The following NALF1 variants were observed in gnomAD, a reference collection of about 807,000 sequenced individuals.
NALF1 encodes family with sequence similarity 155 member A.
A neutral mutation model predicts 48.4 loss-of-function variants in NALF1; 3 were observed. The ratio of observed to expected loss-of-function variants is 0.06; its 90% CI spans 0.03 to 0.16. The LOEUF is 0.16. NALF1 is among the 10% of genes least tolerant of loss of function. The probability of loss-of-function intolerance (pLI) is 1.00; values close to 1 mark genes in which losing one functional copy is unlikely to be tolerated. For missense variants in NALF1, 526 were observed against 571.5 expected, an observed-to-expected ratio of 0.92 and a Z score of 0.81; for synonymous variants, 262 against 245.7, an observed-to-expected ratio of 1.07 and a Z score of -0.62.
At chr13:107,817,492 C>A (rs1284902412) in intron 1 of NALF1, among the ~76,000 whole-genome samples, 3 of 152,204 alleles carry the variant, frequency 2.0e-5, no homozygotes, top group African/African-American at 7.2e-5. Flanking sequence ...AAATCATTCA[C>A]TCTAGGGAGT....
At chr13:107,743,790 C>T (rs1876704984) in intron 1 of NALF1, among the ~76,000 whole-genome samples, 1 of 152,160 alleles carries the variant, frequency 6.6e-6, no homozygotes, top group Admixed American at 6.5e-5. Flanking sequence ...ATAGGTTATA[C>T]AGGAACTGTG....
At chr13:107,820,577 G>T (rs570645079) in intron 1 of NALF1, among the ~76,000 whole-genome samples, 7 of 152,238 alleles carry the variant, frequency 4.6e-5, no homozygotes, top group African/African-American at 1.7e-4. Context: ...TGGTGTTTAG[G>T]GAGTCCAAAA....
At chr13:107,205,531 G>A (rs1274423944) in intron 2 of NALF1, among the ~76,000 whole-genome samples, 1 of 151,908 alleles carries the variant, frequency 6.6e-6, no homozygotes, top group African/African-American at 2.4e-5. Flanking sequence ...AGCCTCAACC[G>A]CCTGTCAAGT....
intron 1 of NALF1, among the ~76,000 whole-genome samples, chr13:107,390,343 T>G (rs1164549609): frequency 1.3e-5 from 2 of 149,282 alleles, no homozygotes; most frequent in Non-Finnish European, 3.0e-5. Flanking sequence ...AGACTCTGTC[T>G]CAAAAAAGAA....
intron 1 of NALF1, among the ~76,000 whole-genome samples, chr13:107,314,430 T>A (rs548324065): frequency 3.3e-5 from 5 of 152,090 alleles, no homozygotes; most frequent in Non-Finnish European, 7.4e-5. Flanking sequence ...CCACTGTCTA[T>A]ACTCCCTGTT....
In NALF1 at chr13:107,556,687, T is replaced by C. The variant is rs549094585; in HGVS notation, c.915+308995A>G. 2.0e-4 allele frequency among the ~76,000 whole-genome samples: 30 copies of C among 152,092 alleles called. No individual in the cohort carries two copies. The East Asian group carries it at 5.4e-3, about 27-fold the overall frequency. On this transcript the variant is annotated intron_variant, in intron 1 of 2. Coordinates refer to ENST00000375915, the MANE Select transcript of NALF1 (RefSeq NM_001080396.3). The stretch of plus-strand genomic sequence containing the variant: ...TATTTATTAGAGACGGGGTTCACCA[T>C]GTTAGTCAGGCTGGTTGCGAACTCC...
At position 107,750,682 on chromosome 13, in the gene NALF1, A is replaced by G. The variant is rs181180791; in HGVS notation, c.915+115000T>C. On this transcript the variant is annotated intron_variant, in intron 1 of 2. Coordinates refer to ENST00000375915, the MANE Select transcript of NALF1 (RefSeq NM_001080396.3). ...CAGTACGCTACAGTCACTTAATCCA[A>G]AATTCTAGTGAAGAGTAGCAGATGC... 2.0e-5 allele frequency among the ~76,000 whole-genome samples: 3 copies of G among 152,338 alleles called. No individual in the cohort carries two copies. In the East Asian group the frequency reaches 5.8e-4, roughly 29 times the overall value.
At chr13:107,385,774 T>G (rs1270120984) in intron 1 of NALF1, among the ~76,000 whole-genome samples, 1 of 152,156 alleles carries the variant, frequency 6.6e-6, no homozygotes, top group Non-Finnish European at 1.5e-5. Context: ...AGGAACAAAT[T>G]CGATATTTCT....
intron 1 of NALF1, among the ~76,000 whole-genome samples, chr13:107,719,910 G>A: frequency 6.6e-6 from 1 of 152,102 alleles, no homozygotes; most frequent in Non-Finnish European, 1.5e-5. Flanking sequence ...TGAAGACAAT[G>A]TCAATCATAT....
chr13:107,380,451 T>C (rs1883414047), intron 1 of NALF1, among the ~76,000 whole-genome samples: 1 of 152,146 alleles, frequency 6.6e-6, no homozygotes, highest in Non-Finnish European at 1.5e-5. Flanking sequence ...AACATGTGTC[T>C]ATATTTGTGT....
At chr13:107,580,198 C>CA (rs1374554154) in intron 1 of NALF1, among the ~76,000 whole-genome samples, 2 of 152,062 alleles carry the variant, frequency 1.3e-5, no homozygotes, top group Admixed American at 6.5e-5. Context: ...ATCACAAGAA[C>CA]AAAAAACCAA....
chr13:107,240,337 G>C (rs1880440939), intron 1 of NALF1, among the ~76,000 whole-genome samples: 1 of 152,160 alleles, frequency 6.6e-6, no homozygotes, highest in African/African-American at 2.4e-5. Context: ...AGTTTCTGTT[G>C]ATTATAAGCA....
intron 1 of NALF1, among the ~76,000 whole-genome samples, chr13:107,280,219 C>T (rs778541844): frequency 3.9e-5 from 6 of 152,166 alleles, no homozygotes; most frequent in Non-Finnish European, 7.3e-5. Context: ...AACTGTTAAA[C>T]TTCCCTCTTT....
chr13:107,747,823 A>C (rs534647103), intron 1 of NALF1, among the ~76,000 whole-genome samples: 14 of 152,286 alleles, frequency 9.2e-5, no homozygotes, highest in African/African-American at 3.4e-4. Context: ...GTGATTGTAA[A>C]CACACGCACA....
intron 1 of NALF1, among the ~76,000 whole-genome samples, chr13:107,532,042 TAGAAGCATTTAATAG>T (rs1268890633): frequency 2.0e-5 from 3 of 152,152 alleles, no homozygotes; most frequent in African/African-American, 7.2e-5. Context: ...TGAGTTATCC[TAGAAGCATTTAATAG>T]AAAATGCTTT....
chr13:107,727,741 C>A (rs1258412927), intron 1 of NALF1, among the ~76,000 whole-genome samples: 1 of 151,960 alleles, frequency 6.6e-6, no homozygotes, highest in Non-Finnish European at 1.5e-5. Flanking sequence ...AGTGAACAGG[C>A]AACCTACAGA....
At chr13:107,418,295 G>C (rs754501529) in intron 1 of NALF1, among the ~76,000 whole-genome samples, 1 of 151,904 alleles carries the variant, frequency 6.6e-6, no homozygotes, top group South Asian at 2.1e-4. Flanking sequence ...CCCTCCCCTC[G>C]AGTGTGAGCA....
At chr13:107,598,541 T>C (rs571353359) in intron 1 of NALF1, among the ~76,000 whole-genome samples, 1 of 152,310 alleles carries the variant, frequency 6.6e-6, no homozygotes, top group South Asian at 2.1e-4. Flanking sequence ...ATTTAATGTG[T>C]CTAAAACCAA....
intron 1 of NALF1, among the ~76,000 whole-genome samples, chr13:107,312,169 A>G (rs1486206622): frequency 6.6e-6 from 1 of 152,146 alleles, no homozygotes; most frequent in Non-Finnish European, 1.5e-5. Flanking sequence ...CTTGGAACCA[A>G]CCCAAATGTC....
Sources: allele counts gnomAD v4.1 joint callset (sites outside exome capture counted in the v4.1 genomes callset), GRCh38; gene constraint gnomAD v4.1.1; transcripts MANE v1.5; gene names NCBI Gene and HGNC (gene_info 2026-07-23, HGNC 2026-07-21).